The following PER3 variants were observed in gnomAD, a reference collection of about 807,000 sequenced individuals.
The protein encoded by PER3 is period circadian regulator 3.
Under a neutral mutation model 127.2 loss-of-function variants are expected in PER3, and 107 were observed. That is an observed-to-expected ratio of 0.84 (90% CI 0.72 to 0.99). The LOEUF (loss-of-function observed/expected upper bound fraction) is 0.99. PER3 is among the 50% of genes least tolerant of loss of function. The probability of loss-of-function intolerance (pLI) is 0.00; values close to 1 mark genes in which losing one functional copy is unlikely to be tolerated. For synonymous variants in PER3, 618 were observed against 585.8 expected, an observed-to-expected ratio of 1.05 and a Z score of -0.79; for missense variants, 1,560 against 1,525.8, an observed-to-expected ratio of 1.02 and a Z score of -0.37.
Position 7,808,256 on chromosome 1 carries a change from A to AC in PER3, c.1137-637_1137-636insC, listed in dbSNP as rs1338743136. Among the ~76,000 whole-genome samples, 21 of 139,958 alleles carry AC rather than the reference A, an allele frequency of 1.5e-4. No individual in the cohort carries two copies. The East Asian group carries it at 4.1e-3, about 27-fold the overall frequency. The allele number at this position is 139,958 out of a possible 152,430, so 91.8% of individuals were successfully genotyped here. A position where few individuals can be genotyped will look rare whatever the true frequency, so the allele number is the denominator to read the frequency against. The stretch of plus-strand genomic sequence containing the variant: ...TCAAAAAAAAAAAAAAAAAAAAAAA[A>AC]AAACTAGTATAGTACAGTGCCTGTC... On this transcript the variant is annotated intron_variant, in intron 10 of 21. Transcript: ENST00000377532.
At chr1:7,820,023 C>A in intron 14 of PER3, 92 bp from the exon 15 acceptor site, 1 of 1,282,302 alleles carries the variant, frequency 7.8e-7, no homozygotes, top group South Asian at 1.4e-5. Flanking sequence ...ACAAAGTATG[C>A]CAAACATAAG....
At chr1:7,796,085 T>C (rs902064914) in intron 6 of PER3, among the ~76,000 whole-genome samples, 1 of 152,166 alleles carries the variant, frequency 6.6e-6, no homozygotes, top group South Asian at 2.1e-4. Flanking sequence ...TGCCCCATGG[T>C]CTTTGACAGC....
chr1:7,819,534 A>G, intron 14 of PER3, 114 bp downstream of exon 14: 1 of 909,410 alleles, frequency 1.1e-6, no homozygotes, highest in South Asian at 1.6e-5. Flanking sequence ...TTCACTATAA[A>G]TCAGTAGACG....
intron 19 of PER3, among the ~76,000 whole-genome samples, chr1:7,833,616 T>C (rs1014080075): frequency 3.9e-5 from 6 of 152,222 alleles, no homozygotes; most frequent in Non-Finnish European, 8.8e-5. Context: ...TTTCAACTTA[T>C]CTGTGTCTTT....
chr1:7,820,696 G>GTTAA (rs1377626992), intron 16 of PER3, 56 bp downstream of exon 16: 1 of 1,428,252 alleles, frequency 7.0e-7, no homozygotes, highest in African/African-American at 1.4e-5. Context: ...ACATTGTGAT[G>GTTAA]AGAAAACAAA....
At chr1:7,806,300 A>G (rs1336333583) in intron 10 of PER3, among the ~76,000 whole-genome samples, 1 of 152,190 alleles carries the variant, frequency 6.6e-6, no homozygotes, top group East Asian at 1.9e-4. Context: ...ATCCATACTC[A>G]GTAAACTAGA....
chr1:7,790,995 C>T (rs2097117147), intron 5 of PER3, among the ~76,000 whole-genome samples: 1 of 152,224 alleles, frequency 6.6e-6, no homozygotes, highest in African/African-American at 2.4e-5. Context: ...TGGCTGGTTT[C>T]ATGGGCTGGC....
chr1:7,832,318 G>A (rs1212435573), intron 19 of PER3, among the ~76,000 whole-genome samples: 2 of 143,402 alleles, frequency 1.4e-5, no homozygotes, highest in Non-Finnish European at 3.1e-5. Context: ...TCTCATTGGG[G>A]TTTTTTTTCC....
At chr1:7,799,343 G>A (rs2097159720) in intron 7 of PER3, among the ~76,000 whole-genome samples, 3 of 152,126 alleles carry the variant, frequency 2.0e-5, no homozygotes, top group African/African-American at 4.8e-5. Context: ...AGTGGCTCAC[G>A]CCTGTAATCC....
chr1:7,808,248 AAAAAAAAAAAAC>A (rs1367701772), intron 10 of PER3, among the ~76,000 whole-genome samples: 3 of 109,096 alleles, frequency 2.7e-5, no homozygotes, highest in Non-Finnish European at 3.9e-5. Flanking sequence ...AAAAAAAAAA[AAAAAAAAAAAAC>A]TAGTATAGTA....
At chr1:7,814,598 T>C (rs2097238023) in intron 13 of PER3, among the ~76,000 whole-genome samples, 1 of 149,872 alleles carries the variant, frequency 6.7e-6, no homozygotes, top group Non-Finnish European at 1.5e-5. Flanking sequence ...TTAGAAAGAG[T>C]ATGATACCAG....
rs765256883 is a variant in PER3 at position 7,788,116 on chromosome 1, C to G, written c.462C>G (p.Ile154Met). 6.2e-7 allele frequency: 1 copy of G among 1,613,896 alleles called. No individual in the cohort carries two copies. The highest frequency in any genetic ancestry group is 8.5e-7 in the Non-Finnish European group (1 of 1,179,808). Reference protein sequence around the residue: ...LVHISEQAALILNRKKDVLAS... With the variant: ...LVHISEQAALMLNRKKDVLAS... ...ACATTTCTGAACAGGCTGCTTTGATCCTGAATCGTAAGAAAGATGTCCTGG... is the reference window on the plus strand; with the variant it reads ...ACATTTCTGAACAGGCTGCTTTGATGCTGAATCGTAAGAAAGATGTCCTGG... Residue 154 changes from isoleucine to methionine, a missense_variant, in exon 5 of 22, where the codon ATC (isoleucine) becomes ATG (methionine). By Grantham distance (10) the Ile-to-Met change is conservative. Around this residue, in one of 3 missense-constraint regions of PER3, gnomAD observed 1,332 missense variants for 1,223.6 expected, o/e 1.09. Coordinates refer to ENST00000377532, the MANE Select transcript of PER3 (RefSeq NM_001377275.1).
In PER3 at chr1:7,808,925, A is replaced by G. The variant is rs536214248; in HGVS notation, c.1169A>G (p.Lys390Arg). The G allele has an allele frequency of 1.2e-6, 2 of 1,602,082 alleles. No individual in the cohort carries two copies. The highest frequency in any genetic ancestry group is 2.2e-5 in the East Asian group (1 of 44,742). ...CTAAATGAGGATGTTTTTGCTACCA[A>G]AATTAAAAAGATGAACGATAATGAC... is the stretch of plus-strand genomic sequence containing the variant. ...SPLNEDVFATKIKKMNDNDKD... is the reference protein window; with the variant it reads ...SPLNEDVFATRIKKMNDNDKD... Residue 390 changes from lysine (K) to arginine (R), a missense_variant, in exon 11 of 22, where the codon AAA (lysine) becomes AGA (arginine). Physicochemically the swap from Lys to Arg is conservative, Grantham distance 26 (BLOSUM62 2). This residue lies in a region of PER3 where 1,332 missense variants were observed against 1,223.6 expected (regional missense o/e 1.09). Coordinates refer to ENST00000377532, the MANE Select transcript of PER3 (RefSeq NM_001377275.1).
In PER3 at chr1:7,808,907, A is replaced by C. The variant is rs1558422933; in HGVS notation, c.1151A>C (p.Glu384Ala). The change falls in exon 11 of 22, where the codon GAG becomes GCG. Residue 384 changes from glutamate to alanine, a missense_variant. Physicochemically the swap from Glu to Ala is moderately radical, Grantham distance 107. Coordinates refer to ENST00000377532, the MANE Select transcript of PER3 (RefSeq NM_001377275.1). Reference sequence around the variant, plus strand: ...GCATTTTCTAGGAGCCCACTAAATGAGGATGTTTTTGCTACCAAAATTAAA... The same window carrying C: ...GCATTTTCTAGGAGCCCACTAAATGCGGATGTTTTTGCTACCAAAATTAAA... ...RHKVRTSPLN[E>A]DVFATKIKKM... The C allele has an allele frequency of 6.3e-7, 1 of 1,582,964 alleles. No individual in the cohort carries two copies. The highest frequency in any genetic ancestry group is 2.2e-5 in the East Asian group (1 of 44,658).
At chr1:7,834,395 G>A (rs973217507) in intron 19 of PER3, among the ~76,000 whole-genome samples, 6 of 152,064 alleles carry the variant, frequency 3.9e-5, no homozygotes, top group African/African-American at 1.4e-4. Context: ...CAATAACATT[G>A]TTATTATTTT....
rs1389914517 is a variant in PER3, at chr1:7,803,069, C to G, written c.895C>G (p.Leu299Val). The G allele has an allele frequency of 3.7e-6, 6 of 1,611,154 alleles. No homozygotes were observed. Among genetic ancestry groups the G allele is most frequent in the East Asian group, 2.2e-5 (1 of 44,880 alleles). Residue 299 changes from leucine (L) to valine (V), a missense_variant, in exon 9 of 22, where the codon CTA becomes GTA. Physicochemically the swap from Leu to Val is conservative, Grantham distance 32 (BLOSUM62 1). Coordinates refer to ENST00000377532, the MANE Select transcript of PER3 (RefSeq NM_001377275.1). The part of the protein sequence containing the change: ...DEKAVPLLGY[L>V]PQDLIGTSIL... Reference sequence around the variant, plus strand: ...CAGAGCAGTGCCTTTGCTGGGTTACCTACCTCAGGACCTGATTGGAACATC... The same window carrying G: ...CAGAGCAGTGCCTTTGCTGGGTTACGTACCTCAGGACCTGATTGGAACATC...
intron 7 of PER3, among the ~76,000 whole-genome samples, chr1:7,800,159 C>T (rs1367539651): frequency 6.6e-6 from 1 of 151,824 alleles, no homozygotes; most frequent in Admixed American, 6.6e-5. Context: ...AAATAGCGCA[C>T]AAGCAAATGA....
Position 7,801,150 on chromosome 1 carries a change from C to T in PER3, c.831C>T (p.Thr277=). The T allele has an allele frequency of 1.2e-6, 2 of 1,607,976 alleles. No homozygotes were observed. Among genetic ancestry groups the T allele is most frequent in the Non-Finnish European group, 1.7e-6 (2 of 1,176,194 alleles). ...RIPVNKRIFT[T]THTPGCVFLE... is the part of the protein sequence containing the mutation. ...CAGTGAATAAAAGAATCTTCACCACCACACACACCCCAGGGTGTGTTTTTC... is the reference window on the plus strand; with the variant it reads ...CAGTGAATAAAAGAATCTTCACCACTACACACACCCCAGGGTGTGTTTTTC... The change falls in exon 8 of 22, where the codon ACC becomes ACT. Residue 277 remains threonine (T), a synonymous_variant. Transcript: ENST00000377532.
chr1:7,792,131 A>C (rs2097124570), intron 5 of PER3, among the ~76,000 whole-genome samples: 1 of 152,198 alleles, frequency 6.6e-6, no homozygotes, highest in African/African-American at 2.4e-5. Context: ...AGACTGGGTA[A>C]TTTCTAAAGG....
Sources: gnomAD v4.1 joint callset for allele counts (sites outside exome capture counted in the v4.1 genomes callset) on GRCh38, gnomAD v4.1.1 for gene constraint, gnomAD v4.1.1 regional missense constraint, MANE v1.5 for transcripts, NCBI Gene and HGNC (gene_info 2026-07-23, HGNC 2026-07-21) for gene names.